The following CTNNA2 variants were observed in gnomAD, a reference collection of about 807,000 sequenced individuals.
CTNNA2 encodes the protein catenin alpha 2.
A neutral mutation model predicts 101.0 loss-of-function variants in CTNNA2; 42 were observed. The ratio of observed to expected loss-of-function variants is 0.42; its 90% confidence interval spans 0.32 to 0.54. The LOEUF is 0.54. Among genes scored for constraint, CTNNA2 ranks in the 20% least tolerant of loss-of-function variants. The pLI, the probability that CTNNA2 is intolerant of heterozygous loss-of-function variation, is 0.14. For missense variants in CTNNA2, 871 were observed against 1,223.1 expected (o/e 0.71, Z 4.29); for synonymous variants, 450 against 456.4 (o/e 0.99, Z 0.18).
rs13412605 is a variant in CTNNA2, at chr2:79,790,331, C to T, written c.298+45749C>T. Among the ~76,000 whole-genome samples, 302 of 152,064 alleles carry T rather than the reference C, an allele frequency of 2.0e-3. 2 individuals are homozygous for T. Among genetic ancestry groups the T allele is most frequent in the African/African-American group, 6.6e-3 (272 of 41,510 alleles). On this transcript the variant is annotated intron_variant, in intron 3 of 18. Coordinates refer to ENST00000402739, the MANE Select transcript of CTNNA2 (RefSeq NM_001282597.3). Reference sequence around the variant, plus strand: ...GGCACTAGAGAGAGGGAGGAGTTGACGATGTCAAAGGACGCAGAAAGGGTG... The same window carrying T: ...GGCACTAGAGAGAGGGAGGAGTTGATGATGTCAAAGGACGCAGAAAGGGTG...
intron 7 of CTNNA2, among the ~76,000 whole-genome samples, chr2:80,010,315 G>A (rs1693684533): frequency 6.6e-6 from 1 of 152,130 alleles, no homozygotes; most frequent in East Asian, 1.9e-4. Flanking sequence ...ATTGTGTTAA[G>A]TGATTATTAT....
chr2:79,885,503 T>C (rs555413923), intron 6 of CTNNA2, among the ~76,000 whole-genome samples: 75 of 152,256 alleles, frequency 4.9e-4, no homozygotes, highest in African/African-American at 1.7e-3. Context: ...CCTGGGAAAA[T>C]AAAATTTTCA....
At chr2:79,467,056 G>T (rs980214947) in intron 4 of CTNNA2, among the ~76,000 whole-genome samples, 3 of 152,188 alleles carry the variant, frequency 2.0e-5, no homozygotes, top group Admixed American at 6.5e-5. Flanking sequence ...AGAGAAGAAG[G>T]CTTCAGATGA....
intron 7 of CTNNA2, among the ~76,000 whole-genome samples, chr2:80,051,807 C>T (rs1223215540): frequency 6.6e-6 from 1 of 152,140 alleles, no homozygotes; most frequent in East Asian, 1.9e-4. Flanking sequence ...GGGTGTGCTG[C>T]TCCTCAAGAA....
chr2:80,174,342 C>T (rs977057535), intron 7 of CTNNA2, among the ~76,000 whole-genome samples: 1 of 152,074 alleles, frequency 6.6e-6, no homozygotes, highest in Non-Finnish European at 1.5e-5. Context: ...ATGGTGCTCA[C>T]CTATGTATAC....
chr2:80,643,037 T>C (rs537597314), intron 18 of CTNNA2, among the ~76,000 whole-genome samples: 7 of 152,260 alleles, frequency 4.6e-5, no homozygotes, highest in African/African-American at 1.7e-4. Context: ...TGGACTGTAA[T>C]AGCACAAGAT....
At chr2:80,285,054 T>C (rs1221432562) in intron 7 of CTNNA2, among the ~76,000 whole-genome samples, 1 of 152,026 alleles carries the variant, frequency 6.6e-6, no homozygotes, top group East Asian at 1.9e-4. Flanking sequence ...ATCACTTTCT[T>C]TTTTTTTCTG....
At chr2:80,324,996 A>G (rs773184353) in intron 7 of CTNNA2, among the ~76,000 whole-genome samples, 1 of 152,172 alleles carries the variant, frequency 6.6e-6, no homozygotes, top group Non-Finnish European at 1.5e-5. Flanking sequence ...ACTGGATATT[A>G]TGTTCCTATG....
At chr2:79,884,944 G>C (rs1474095835) in intron 6 of CTNNA2, among the ~76,000 whole-genome samples, 3 of 152,036 alleles carry the variant, frequency 2.0e-5, no homozygotes, top group Non-Finnish European at 2.9e-5. Context: ...ATTGTCTACT[G>C]GGGGAGCACG....
chr2:79,340,556 G>A (rs760430772), intron 3 of CTNNA2, among the ~76,000 whole-genome samples: 22 of 152,144 alleles, frequency 1.4e-4, no homozygotes, highest in Non-Finnish European at 2.8e-4. Flanking sequence ...ACATGAGGCC[G>A]GGCGTGGTGG....
intron 7 of CTNNA2, among the ~76,000 whole-genome samples, chr2:80,269,492 G>A (rs1673289843): frequency 6.6e-6 from 1 of 152,102 alleles, no homozygotes; most frequent in Admixed American, 6.5e-5. Flanking sequence ...AGAACAGACT[G>A]ATGCAAAAGG....
intron 7 of CTNNA2, chr2:80,313,687 G>T: frequency 6.6e-7 from 1 of 1,516,394 alleles, no homozygotes; most frequent in Non-Finnish European, 9.0e-7. Flanking sequence ...AAAGGAGTGT[G>T]AATTTAGTGC....
chr2:79,230,247 G>A (rs1445626532), intron 2 of CTNNA2, among the ~76,000 whole-genome samples: 1 of 152,180 alleles, frequency 6.6e-6, no homozygotes, highest in African/African-American at 2.4e-5. Context: ...AGAGGCATAG[G>A]AGGAAGAAAT....
At chr2:79,869,338 C>G (rs1165541431) in intron 4 of CTNNA2, among the ~76,000 whole-genome samples, 1 of 152,200 alleles carries the variant, frequency 6.6e-6, no homozygotes, top group Non-Finnish European at 1.5e-5. Flanking sequence ...AAATTATAAT[C>G]CCTTTAGTCC....
intron 1 of CTNNA2, among the ~76,000 whole-genome samples, chr2:79,523,935 A>G (rs886468996): frequency 6.6e-6 from 1 of 151,986 alleles, no homozygotes; most frequent in Non-Finnish European, 1.5e-5. Context: ...TGACTTAGTT[A>G]TTTTAATTTA....
chr2:80,065,613 A>G (rs1258431042), intron 7 of CTNNA2, among the ~76,000 whole-genome samples: 1 of 152,004 alleles, frequency 6.6e-6, no homozygotes, highest in Non-Finnish European at 1.5e-5. Flanking sequence ...CGGCCTCCCA[A>G]AGTGCTGGGA....
intron 4 of CTNNA2, among the ~76,000 whole-genome samples, chr2:79,466,984 A>G: frequency 6.6e-6 from 1 of 152,372 alleles, no homozygotes; most frequent in Middle Eastern, 3.4e-3. Flanking sequence ...CCCCCTCCAA[A>G]GGAATGCAGC....
chr2:79,355,020 T>C (rs141736853), intron 3 of CTNNA2, among the ~76,000 whole-genome samples: 309 of 152,312 alleles, frequency 2.0e-3, no homozygotes, highest in African/African-American at 7.4e-3. Flanking sequence ...ATCGACTTTG[T>C]TAAAGATCAG....
chr2:79,524,494 C>G (rs1010016479), intron 1 of CTNNA2, among the ~76,000 whole-genome samples: 11 of 151,212 alleles, frequency 7.3e-5, no homozygotes, highest in Admixed American at 1.3e-4. Flanking sequence ...TTTGTATTAC[C>G]TCTTTTATAT....
Sources: allele counts gnomAD v4.1 joint callset (sites outside exome capture counted in the v4.1 genomes callset), GRCh38; gene constraint gnomAD v4.1.1; transcripts MANE v1.5; gene names NCBI Gene and HGNC (gene_info 2026-07-23, HGNC 2026-07-21).